The following DPP10 variants were observed in gnomAD, a reference collection of about 807,000 sequenced individuals.
DPP10 encodes the protein inactive dipeptidyl peptidase 10.
A neutral mutation model predicts 120.9 loss-of-function variants in DPP10; 33 were observed. The ratio of observed to expected loss-of-function variants is 0.27; its 90% CI spans 0.21 to 0.37. The LOEUF (loss-of-function observed/expected upper bound fraction) is 0.37. Among genes scored for constraint, DPP10 ranks in the 10% least tolerant of loss-of-function variants. The pLI, the probability that DPP10 is intolerant of heterozygous loss-of-function variation, is 1.00. For synonymous variants in DPP10, 337 were observed against 326.1 expected (o/e 1.03, Z -0.36); for missense variants, 816 against 942.8 (o/e 0.87, Z 1.76).
chr2:115,042,980 C>T (rs535819709), intron 1 of DPP10, among the ~76,000 whole-genome samples: 15 of 152,120 alleles, frequency 9.9e-5, no homozygotes, highest in Non-Finnish European at 1.5e-4. Context: ...TCAGCAATGG[C>T]GTATGCAAAA....
At chr2:114,972,601 A>G (rs1001389897) in intron 1 of DPP10, among the ~76,000 whole-genome samples, 1 of 152,110 alleles carries the variant, frequency 6.6e-6, no homozygotes, top group Non-Finnish European at 1.5e-5. Flanking sequence ...ATATTTCCCC[A>G]CAGTGCCAGT....
At chr2:115,530,507 C>T (rs2078395677) in intron 5 of DPP10, among the ~76,000 whole-genome samples, 2 of 151,848 alleles carry the variant, frequency 1.3e-5, no homozygotes, top group South Asian at 4.2e-4. Context: ...TGGTGAAATG[C>T]CATCTCCACA....
intron 1 of DPP10, among the ~76,000 whole-genome samples, chr2:114,664,771 T>TAGAGCATCCAAAAGATGGCAG (rs1267746289): frequency 7.0e-6 from 1 of 142,560 alleles, no homozygotes; most frequent in Non-Finnish European, 1.5e-5. Flanking sequence ...AAAGATGGCA[T>TAGAGCATCCAAAAGATGGCAG]AGAGCATCCA....
At position 114,852,414 on chromosome 2, in the gene DPP10, G is replaced by A. The variant is rs1689024219; in HGVS notation, c.60+409576G>A. 2.0e-5 allele frequency among the ~76,000 whole-genome samples: 3 copies of A among 151,848 alleles called. No homozygotes were observed. The South Asian group carries it at 6.2e-4, about 31-fold the overall frequency. Reference sequence around the variant, plus strand: ...ATATTTTTTTAAAAAATGGATGGTTGCATCTGTACTAAACATATAGAGACT... The same window carrying A: ...ATATTTTTTTAAAAAATGGATGGTTACATCTGTACTAAACATATAGAGACT... On this transcript the variant is annotated intron_variant, in intron 1 of 25. Transcript: ENST00000410059.
At chr2:115,588,821 T>C (rs1241615136) in intron 5 of DPP10, among the ~76,000 whole-genome samples, 2 of 152,224 alleles carry the variant, frequency 1.3e-5, no homozygotes, top group African/African-American at 2.4e-5. Flanking sequence ...GGCAGGAATT[T>C]CCATGCTCAA....
chr2:115,497,083 A>G (rs1293668837), intron 3 of DPP10, among the ~76,000 whole-genome samples: 1 of 152,020 alleles, frequency 6.6e-6, no homozygotes, highest in Non-Finnish European at 1.5e-5. Flanking sequence ...TATCATCTAT[A>G]TTATCTATAT....
intron 1 of DPP10, among the ~76,000 whole-genome samples, chr2:115,181,021 C>T (rs2054041782): frequency 1.5e-5 from 1 of 67,096 alleles, no homozygotes; most frequent in South Asian, 5.1e-4. Context: ...GTGAACACAT[C>T]TCACCCCTAT....
chr2:115,529,179 T>C (rs2078312439), intron 5 of DPP10, among the ~76,000 whole-genome samples: 1 of 151,830 alleles, frequency 6.6e-6, no homozygotes, highest in African/African-American at 2.4e-5. Flanking sequence ...TTTTTTCCGG[T>C]GGGAGGGAGG....
rs2081912302 is a variant in DPP10 at position 115,579,819 on chromosome 2, ATTTT to A, written c.441+53849_441+53852del. ...ACACATTTTTTAAAAATTAATTTTA[ATTTT>A]TGTTTTAAGCTTCAGTGTATGTATG... On this transcript the variant is annotated intron_variant, in intron 5 of 25. Coordinates refer to ENST00000410059, the MANE Select transcript of DPP10 (RefSeq NM_020868.6). 4 of 152,222 alleles carry A rather than the reference ATTTT, an allele frequency of 2.6e-5. No homozygotes were observed. In the South Asian group the frequency reaches 6.2e-4, roughly 24 times the overall value. 9.4% of individuals were successfully genotyped at this position (152,222 alleles called of 1,614,324 possible).
At chr2:114,655,711 A>C (rs1300179098) in intron 1 of DPP10, among the ~76,000 whole-genome samples, 1 of 152,144 alleles carries the variant, frequency 6.6e-6, no homozygotes, top group Non-Finnish European at 1.5e-5. Context: ...CAGCTTACAT[A>C]ATTAAATATG....
chr2:114,834,285 A>C (rs1185895271), intron 1 of DPP10, among the ~76,000 whole-genome samples: 2 of 151,658 alleles, frequency 1.3e-5, no homozygotes, highest in Non-Finnish European at 3.0e-5. Context: ...ATGTATATAT[A>C]AGCCATGTCT....
intron 1 of DPP10, among the ~76,000 whole-genome samples, chr2:115,081,356 C>G (rs1573537819): frequency 6.6e-6 from 1 of 152,308 alleles, no homozygotes; most frequent in East Asian, 1.9e-4. Flanking sequence ...TGTTTGCAAG[C>G]TATCTTCTCA....
At chr2:115,300,945 A>G (rs768374350) in intron 1 of DPP10, among the ~76,000 whole-genome samples, 19 of 151,930 alleles carry the variant, frequency 1.3e-4, no homozygotes, top group Non-Finnish European at 1.5e-5. Context: ...AAAATCAGAC[A>G]CTTCTTCCAG....
intron 1 of DPP10, among the ~76,000 whole-genome samples, chr2:114,740,067 T>C (rs1010384804): frequency 4.0e-5 from 6 of 151,686 alleles, no homozygotes; most frequent in Non-Finnish European, 7.4e-5. Context: ...CGTATGTTTA[T>C]TGCAGCACTA....
At chr2:115,178,723 C>T (rs1005125194) in intron 1 of DPP10, among the ~76,000 whole-genome samples, 2 of 152,116 alleles carry the variant, frequency 1.3e-5, no homozygotes, top group South Asian at 4.2e-4. Flanking sequence ...TGTTGGCATC[C>T]ACTTCAATGC....
intron 3 of DPP10, among the ~76,000 whole-genome samples, chr2:115,429,080 C>T (rs548915324): frequency 4.0e-5 from 6 of 151,306 alleles, no homozygotes; most frequent in African/African-American, 1.2e-4. Flanking sequence ...AAAGAAACAC[C>T]GAAAAAAGAA....
intron 1 of DPP10, among the ~76,000 whole-genome samples, chr2:114,510,575 C>T (rs1298728355): frequency 6.6e-6 from 1 of 152,110 alleles, no homozygotes; most frequent in Non-Finnish European, 1.5e-5. Context: ...TGCACTCCAG[C>T]CTGGGTGACA....
intron 1 of DPP10, among the ~76,000 whole-genome samples, chr2:114,608,793 A>G (rs1185212458): frequency 6.6e-6 from 1 of 152,158 alleles, no homozygotes; most frequent in African/African-American, 2.4e-5. Flanking sequence ...CAGGAACAGG[A>G]AACCAAATAC....
rs117779977 is a variant in DPP10 at position 114,651,029 on chromosome 2, G to T, written c.60+208191G>T. 8.9e-4 allele frequency among the ~76,000 whole-genome samples: 135 copies of T among 152,186 alleles called. 1 individual carries two copies. The East Asian group carries it at 0.018, about 20-fold the overall frequency. ...TGACATTCAAGCTCCTTCATAGTTT[G>T]ACTACCACCTATGTATTGTTTTGGT... On this transcript the variant is annotated intron_variant, in intron 1 of 25. Transcript: ENST00000410059.
Sources: gnomAD v4.1 joint callset for allele counts (sites outside exome capture counted in the v4.1 genomes callset) on GRCh38, gnomAD v4.1.1 for gene constraint, MANE v1.5 for transcripts, NCBI Gene and HGNC (gene_info 2026-07-23, HGNC 2026-07-21) for gene names.